The following SLC5A6 variants were observed in gnomAD, a reference collection of about 807,000 sequenced individuals.
SLC5A6 encodes the protein solute carrier family 5 member 6, also known as sodium-dependent multivitamin transporter.
Under a neutral mutation model 67.9 loss-of-function variants are expected in SLC5A6, and 31 were observed. That is an observed-to-expected ratio of 0.46 (90% CI 0.34 to 0.62). The LOEUF (loss-of-function observed/expected upper bound fraction) is 0.62. SLC5A6 is among the 20% of genes least tolerant of loss of function. SLC5A6 has a pLI of 0.01. For synonymous variants in SLC5A6, 343 were observed against 331.0 expected, an observed-to-expected ratio of 1.04 and a Z score of -0.39; for missense variants, 673 against 812.8, an observed-to-expected ratio of 0.83 and a Z score of 2.09.
Position 27,202,800 on chromosome 2 carries a change from C to G in SLC5A6, c.1275+13G>C, listed in dbSNP as rs1558505181. The G allele has an allele frequency of 6.2e-7, 1 of 1,611,420 alleles. No individual in the cohort carries two copies. The highest frequency in any genetic ancestry group is 2.2e-5 in the East Asian group (1 of 44,864). ...CTCCCTTAAAATTGCTTCCTACCCT[C>G]TATAGTTATTACCTGCAGCACAGGT... is the stretch of plus-strand genomic sequence containing the variant. On this transcript the variant is annotated intron_variant, in intron 12 of 16. Coordinates refer to ENST00000310574, the MANE Select transcript of SLC5A6 (RefSeq NM_021095.4).
chr2:27,205,180 C>T, intron 7 of SLC5A6, 170 bp downstream of exon 7: 1 of 737,278 alleles, frequency 1.4e-6, no homozygotes, highest in Non-Finnish European at 2.2e-6. Flanking sequence ...TAAACACTAG[C>T]CGGGCACCTG....
In SLC5A6 at chr2:27,204,497, G is replaced by T. The variant is rs778255166; in HGVS notation, c.969C>A (p.Pro323=). The change falls in exon 9 of 17, where the codon CCC becomes CCA. Residue 323 remains proline, a synonymous_variant. Transcript: ENST00000310574. ...CTGCCTGAGCCTGCTGAATGCTCATGGGATACTCCTGGTAATACGCGAACA... is the reference window on the plus strand; with the variant it reads ...CTGCCTGAGCCTGCTGAATGCTCATTGGATACTCCTGGTAATACGCGAACA... ...LVMFAYYQEY[P]MSIQQAQAAP... The T allele has an allele frequency of 1.5e-5, 25 of 1,613,818 alleles. 1 individual carries two copies. The South Asian group carries it at 2.6e-4, about 17-fold the overall frequency.
At chr2:27,206,765 G>T in intron 4 of SLC5A6, 112 bp downstream of exon 4, 1 of 979,756 alleles carries the variant, frequency 1.0e-6, no homozygotes, top group Non-Finnish European at 1.7e-6. Flanking sequence ...CCTCTAGCAG[G>T]AATTTCAATC....
At chr2:27,211,718 C>T (rs368209019) in intron 1 of SLC5A6, 185 bp from the exon 2 acceptor site, 91 of 163,950 alleles carry the variant, frequency 5.6e-4, no homozygotes, top group Admixed American at 1.1e-3. Flanking sequence ...CACCCTCGTT[C>T]TTTCTCGGTT....
At chr2:27,202,705 C>G (rs1015127280) in intron 12 of SLC5A6, 108 bp downstream of exon 12, 6 of 962,412 alleles carry the variant, frequency 6.2e-6, no homozygotes, top group Non-Finnish European at 1.0e-5. Flanking sequence ...GAATCTCTTA[C>G]GCCTGCCCCC....
Position 27,212,239 on chromosome 2 carries a change from GC to G in SLC5A6, c.-428del. On this transcript the variant is annotated 5_prime_UTR_variant, in exon 1 of 17. Coordinates refer to ENST00000310574, the MANE Select transcript of SLC5A6 (RefSeq NM_021095.4). ...GCGCAGAGCTCCACGAGCAGGAAAA[GC>G]CCCCAAGCAGCCCCAGGGCGACTGG... 5 of 1,561,408 alleles carry G rather than the reference GC, an allele frequency of 3.2e-6. No homozygotes were observed. Among genetic ancestry groups the G allele is most frequent in the Non-Finnish European group, 4.3e-6 (5 of 1,153,356 alleles).
chr2:27,200,657 C>A, intron 16 of SLC5A6, 78 bp from the exon 17 acceptor site: 1 of 1,480,004 alleles, frequency 6.8e-7, no homozygotes, highest in Non-Finnish European at 9.2e-7. Flanking sequence ...CAAAAAAGGT[C>A]CCCGCCAGAA....
At chr2:27,204,615 G>A in intron 8 of SLC5A6, 25 bp from the exon 9 acceptor site, 1 of 1,612,912 alleles carries the variant, frequency 6.2e-7, no homozygotes, top group Non-Finnish European at 8.5e-7. Flanking sequence ...AGTGCCAGGA[G>A]GAGAGCCGGC....
chr2:27,205,338 G>A lies in SLC5A6; in HGVS notation c.734+12C>T, dbSNP rs753789252. On this transcript the variant is annotated intron_variant, in intron 7 of 16. Transcript: ENST00000310574. ...CACTGCAGACCCCAGCCAGGAGTAG[G>A]GGTATACTTACTCAAACCCAGAGAT... is the stretch of plus-strand genomic sequence containing the variant. 51 of 1,613,558 alleles carry A rather than the reference G, an allele frequency of 3.2e-5. No homozygotes were observed. The highest frequency in any genetic ancestry group is 4.2e-5 in the Non-Finnish European group (49 of 1,179,698).
At position 27,206,910 on chromosome 2, in the gene SLC5A6, T is replaced by G. The variant is rs1674115953; in HGVS notation, c.426A>C (p.Arg142=). The change falls in exon 4 of 17, where the codon CGA becomes CGC. Residue 142 remains arginine, a synonymous_variant. Coordinates refer to ENST00000310574, the MANE Select transcript of SLC5A6 (RefSeq NM_021095.4). ...YLELRFNKTV[R]VCGTVTFIFQ... ...AGATGAAGGTCACAGTTCCACACAC[T>G]CGCACAGTTTTATTGAATCGAAGCT... 1 of 1,613,922 alleles carries G rather than the reference T, an allele frequency of 6.2e-7. No homozygotes were observed. The highest frequency in any genetic ancestry group is 8.5e-7 in the Non-Finnish European group (1 of 1,179,840).
chr2:27,208,858 A>C (rs1445673404), intron 2 of SLC5A6, among the ~76,000 whole-genome samples: 1 of 152,196 alleles, frequency 6.6e-6, no homozygotes, highest in Non-Finnish European at 1.5e-5. Context: ...CATATTCAAC[A>C]GCATTCCTAG....
Position 27,200,599 on chromosome 2 carries a change from G to A in SLC5A6, c.1765-20C>T, listed in dbSNP as rs891285126. Reference sequence around the variant, plus strand: ...GTGGTCCTGCAAACACAGAGCCAAAGGGGTGGAACTGGTGAAGACGGATGA... The same window carrying A: ...GTGGTCCTGCAAACACAGAGCCAAAAGGGTGGAACTGGTGAAGACGGATGA... On this transcript the variant is annotated intron_variant, in intron 16 of 16. Transcript: ENST00000310574. The A allele has an allele frequency of 4.4e-6, 7 of 1,604,088 alleles. No homozygotes were observed. Among genetic ancestry groups the A allele is most frequent in the African/African-American group, 4.0e-5 (3 of 74,542 alleles).
chr2:27,206,020 A>C lies in SLC5A6; in HGVS notation c.579+6T>G. The C allele has an allele frequency of 6.2e-7, 1 of 1,609,742 alleles. No homozygotes were observed. The highest frequency in any genetic ancestry group is 8.5e-7 in the Non-Finnish European group (1 of 1,176,148). On this transcript the variant is annotated splice_donor_region_variant and intron_variant, in intron 6 of 16. Coordinates refer to ENST00000310574, the MANE Select transcript of SLC5A6 (RefSeq NM_021095.4). ...CCCTCCCCACACCACGGCTTACTGCACTTACCAGAGCTGTATAGACGGTAC... is the reference window on the plus strand; with the variant it reads ...CCCTCCCCACACCACGGCTTACTGCCCTTACCAGAGCTGTATAGACGGTAC...
rs761187928 is a variant in SLC5A6 at position 27,200,995 on chromosome 2, T to G, written c.1764+3A>C. The G allele has an allele frequency of 6.3e-7, 1 of 1,598,432 alleles. No individual in the cohort carries two copies. The highest frequency in any genetic ancestry group is 8.6e-7 in the Non-Finnish European group (1 of 1,167,214). On this transcript the variant is annotated splice_donor_region_variant and intron_variant, in intron 16 of 16. Transcript: ENST00000310574. ...GAGGGGTCACTTGGACAGCAGGTAC[T>G]ACCTGGCCGTAGCTCCTGCAGTGGA... is the stretch of plus-strand genomic sequence containing the variant.
upstream of SLC5A6, chr2:27,212,580 C>T: frequency 6.8e-7 from 1 of 1,465,020 alleles, no homozygotes; most frequent in Non-Finnish European, 9.0e-7. Flanking sequence ...GATTTCGTCC[C>T]TGACGCTTCC....
Position 27,203,248 on chromosome 2 carries a change from G to A in SLC5A6, c.1192C>T (p.Leu398Phe). Residue 398 changes from leucine to phenylalanine, a missense_variant, in exon 11 of 17, where the codon CTT (leucine) becomes TTT (phenylalanine). Coordinates refer to ENST00000310574, the MANE Select transcript of SLC5A6 (RefSeq NM_021095.4). ...ATAACCCCACCAAGGCCTCTGGAAA[G>A]CATGATGGCCCGGGCTTCAGAGAAC... ...PEFSEARAIM[L>F]SRGLAFGYGL... 2 of 1,614,198 alleles carry A rather than the reference G, an allele frequency of 1.2e-6. No homozygotes were observed. Among genetic ancestry groups the A allele is most frequent in the Non-Finnish European group, 8.5e-7 (1 of 1,180,014 alleles).
Position 27,207,540 on chromosome 2 carries a change from A to G in SLC5A6, c.111T>C (p.Val37=). 1 of 1,614,218 alleles carries G rather than the reference A, an allele frequency of 6.2e-7. No homozygotes were observed. Among genetic ancestry groups the G allele is most frequent in the Non-Finnish European group, 8.5e-7 (1 of 1,180,040 alleles). The change falls in exon 3 of 17, where the codon GTT becomes GTC. Residue 37 remains valine (V), a synonymous_variant. Transcript: ENST00000310574. The surrounding 1 kb of genome is among the most constrained non-coding windows in gnomAD (Gnocchi z 5.5). ...GGTAGAGCCCAATGGCAAGAGAGAGAACCAGCAGCAGGACGAACACCACAT... is the reference window on the plus strand; with the variant it reads ...GGTAGAGCCCAATGGCAAGAGAGAGGACCAGCAGCAGGACGAACACCACAT... ...MDYVVFVLLL[V]LSLAIGLYHA...
chr2:27,207,164 G>A lies in SLC5A6; in HGVS notation c.393+94C>T, dbSNP rs566446632. The A allele has an allele frequency of 1.4e-4, 179 of 1,318,420 alleles. No individual in the cohort carries two copies. Among genetic ancestry groups the A allele is most frequent in the Admixed American group, 6.9e-4 (37 of 53,606 alleles). The allele number at this position is 1,318,420 out of a possible 1,614,324, so 81.7% of individuals were successfully genotyped here. A position where few individuals can be genotyped will look rare whatever the true frequency, so the allele number is the denominator to read the frequency against. ...TTTTCTGTCCCTCTCATTAGGTGGA[G>A]GAGGTCTAGGGTCCCAGGTCCTTCC... On this transcript the variant is annotated intron_variant, in intron 3 of 16. Coordinates refer to ENST00000310574, the MANE Select transcript of SLC5A6 (RefSeq NM_021095.4). This position sits in a 1 kb window ranked among gnomAD's most constrained non-coding sequence, Gnocchi z 5.5.
In SLC5A6 at chr2:27,212,087, C is replaced by G. The variant is rs1674574424; in HGVS notation, c.-275G>C. On this transcript the variant is annotated 5_prime_UTR_variant, in exon 1 of 17. Transcript: ENST00000310574. ...CTCGGCGTCCGGACGCGGGGAACAC[C>G]GGGCTGAGGGAGTCTGCAGTCGGCT... The G allele has an allele frequency of 1.5e-6, 2 of 1,366,984 alleles. No homozygotes were observed. The highest frequency in any genetic ancestry group is 9.7e-7 in the Non-Finnish European group (1 of 1,030,044). The allele number at this position is 1,366,984 out of a possible 1,614,324, so 84.7% of individuals were successfully genotyped here.
Sources: gnomAD v4.1 joint callset for allele counts (sites outside exome capture counted in the v4.1 genomes callset) on GRCh38, gnomAD v4.1.1 for gene constraint, Gnocchi (gnomAD v3.1) non-coding constraint, MANE v1.5 for transcripts, NCBI Gene and HGNC (gene_info 2026-07-23, HGNC 2026-07-21) for gene names.